SUGCT: variants seen among roughly 807,000 people sequenced by gnomAD.
The protein encoded by SUGCT is succinyl-CoA:glutarate CoA-transferase.
Under a neutral mutation model 55.0 loss-of-function variants are expected in SUGCT, and 41 were observed. That is an observed-to-expected ratio of 0.74 (90% CI 0.58 to 0.97). The LOEUF is 0.97. Among genes scored for constraint, SUGCT ranks in the 50% least tolerant of loss-of-function variants. The probability of loss-of-function intolerance (pLI) is 0.00; values close to 1 mark genes in which losing one functional copy is unlikely to be tolerated. For synonymous variants in SUGCT, 187 were observed against 200.4 expected, an observed-to-expected ratio of 0.93 and a Z score of 0.56; for missense variants, 568 against 547.8, an observed-to-expected ratio of 1.04 and a Z score of -0.37.
the SUGCT span, among the ~76,000 whole-genome samples, chr7:40,961,758 C>T: frequency 0.056 from 8,580 of 152,064 alleles, 255 homozygotes; most frequent in Middle Eastern, 0.079. Context: ...TTCGTGGTCT[C>T]GCTGACTTCA....
In SUGCT at chr7:40,181,079, G is replaced by A. The variant is rs963633656; in HGVS notation, c.152+81G>A. 7.0e-6 allele frequency: 7 copies of A among 994,462 alleles called. No individual in the cohort carries two copies. The East Asian group carries it at 7.2e-5, about 10-fold the overall frequency. 61.6% of individuals were successfully genotyped at this position (994,462 alleles called of 1,614,324 possible). A position where few individuals can be genotyped will look rare whatever the true frequency, so the allele number is the denominator to read the frequency against. On this transcript the variant is annotated intron_variant, in intron 2 of 13. Transcript: ENST00000335693. ...CTTTTAATTTTTTGAATTATAAGAAGAGACTTATATGCTTATGTTGAAATT... is the reference window on the plus strand; with the variant it reads ...CTTTTAATTTTTTGAATTATAAGAAAAGACTTATATGCTTATGTTGAAATT...
At chr7:41,010,838 A>G in the SUGCT span, among the ~76,000 whole-genome samples, 1 of 152,244 alleles carries the variant, frequency 6.6e-6, no homozygotes, top group Non-Finnish European at 1.5e-5. Context: ...TAGCATTAGG[A>G]AATCATGGGA....
intron 2 of SUGCT, 44 bp from the exon 3 acceptor site, chr7:40,181,911 T>G (rs768595520): frequency 5.8e-6 from 7 of 1,204,910 alleles, no homozygotes; most frequent in Non-Finnish European, 8.3e-6. Flanking sequence ...ATATAAACAT[T>G]TTCAAGATGG....
chr7:40,439,060 T>C (rs1788331188), intron 9 of SUGCT, among the ~76,000 whole-genome samples: 1 of 29,036 alleles, frequency 3.4e-5, no homozygotes, highest in Non-Finnish European at 6.2e-5. Context: ...GGTATATATA[T>C]GGTGTATATA....
chr7:40,135,769 GCTT>G (rs1345763067), intron 1 of SUGCT, among the ~76,000 whole-genome samples: 1 of 151,792 alleles, frequency 6.6e-6, no homozygotes, highest in Non-Finnish European at 1.5e-5. Context: ...AGATTTTCCT[GCTT>G]CAGCCTTCCG....
intron 6 of SUGCT, among the ~76,000 whole-genome samples, chr7:40,222,986 TTTCCTTCC>T (rs200277908): frequency 0.1 from 9,326 of 93,674 alleles, 311 homozygotes; most frequent in African/African-American, 0.15. Context: ...TTTTCATTTC[TTTCCTTCC>T]TTCCTTCCTT....
At chr7:40,553,345 T>C (rs1795399125) in intron 12 of SUGCT, among the ~76,000 whole-genome samples, 1 of 152,174 alleles carries the variant, frequency 6.6e-6, no homozygotes, top group Non-Finnish European at 1.5e-5. Flanking sequence ...GTTAGGAAAA[T>C]GTATATGATC....
chr7:40,334,537 G>C (rs1403754696), intron 9 of SUGCT, among the ~76,000 whole-genome samples: 1 of 152,182 alleles, frequency 6.6e-6, no homozygotes, highest in South Asian at 2.1e-4. Context: ...TCTATTGGCT[G>C]CATAAATGTC....
At chr7:40,364,611 A>C (rs1286216836) in intron 9 of SUGCT, among the ~76,000 whole-genome samples, 1 of 152,126 alleles carries the variant, frequency 6.6e-6, no homozygotes, top group Non-Finnish European at 1.5e-5. Flanking sequence ...TGGGTTGAAA[A>C]TTCTTTTCTT....
At chr7:40,411,257 G>A (rs1382194032) in intron 9 of SUGCT, among the ~76,000 whole-genome samples, 1 of 152,156 alleles carries the variant, frequency 6.6e-6, no homozygotes, top group Admixed American at 6.5e-5. Flanking sequence ...GTTGATCATG[G>A]TGGCACATAC....
chr7:40,290,564 C>T (rs1562650694), intron 8 of SUGCT, among the ~76,000 whole-genome samples: 1 of 152,114 alleles, frequency 6.6e-6, no homozygotes, highest in Non-Finnish European at 1.5e-5. Flanking sequence ...AGAAGAAAAC[C>T]TAGGCAGTAC....
At chr7:40,788,173 C>T (rs532014699) in intron 13 of SUGCT, among the ~76,000 whole-genome samples, 84 of 152,240 alleles carry the variant, frequency 5.5e-4, no homozygotes, top group Admixed American at 1.3e-3. Flanking sequence ...AGCAGGGTAT[C>T]GTGGAGACCA....
chr7:40,255,707 GT>G (rs1426649691), intron 7 of SUGCT, among the ~76,000 whole-genome samples: 2 of 137,214 alleles, frequency 1.5e-5, no homozygotes, highest in East Asian at 2.2e-4. Flanking sequence ...TGTCTGCATT[GT>G]TTGTTTATGA....
At position 40,855,757 on chromosome 7, in the gene SUGCT, C is replaced by T. The variant is rs112829660; in HGVS notation, c.1154-4559C>T. ...AAGGTAGTTTCACTGACAGTCTTTA[C>T]GACATGGATTCAGAGCCATAGACAG... On this transcript the variant is annotated intron_variant, in intron 13 of 13. Coordinates refer to ENST00000335693, the MANE Select transcript of SUGCT (RefSeq NM_001193313.2). 3.7e-3 allele frequency among the ~76,000 whole-genome samples: 565 copies of T among 152,228 alleles called. 1 individual carries two copies. Among genetic ancestry groups the T allele is most frequent in the African/African-American group, 0.013 (527 of 41,532 alleles).
chr7:40,222,650 T>C (rs1327430214), intron 6 of SUGCT, among the ~76,000 whole-genome samples: 1 of 152,190 alleles, frequency 6.6e-6, no homozygotes, highest in Non-Finnish European at 1.5e-5. Context: ...AAGACCAGCC[T>C]GGCTAACATG....
intron 1 of SUGCT, among the ~76,000 whole-genome samples, chr7:40,148,430 AG>A (rs1233241018): frequency 3.3e-5 from 5 of 152,106 alleles, no homozygotes; most frequent in Admixed American, 1.3e-4. Flanking sequence ...GGATCACCTG[AG>A]GTCGAGAGTT....
intron 12 of SUGCT, among the ~76,000 whole-genome samples, chr7:40,555,313 T>C (rs75975443): frequency 6.6e-6 from 1 of 151,970 alleles, no homozygotes; most frequent in South Asian, 2.1e-4. Context: ...TTTTTTTTTT[T>C]TCTCACTGAT....
chr7:40,327,391 C>T (rs903948274), intron 9 of SUGCT, among the ~76,000 whole-genome samples: 5 of 152,192 alleles, frequency 3.3e-5, no homozygotes, highest in African/African-American at 9.7e-5. Flanking sequence ...TAATAGCTGC[C>T]ACCCTCTGGG....
At chr7:40,971,499 A>G in the SUGCT span, among the ~76,000 whole-genome samples, 1 of 152,206 alleles carries the variant, frequency 6.6e-6, no homozygotes, top group African/African-American at 2.4e-5. Context: ...ACTGGAAGGG[A>G]TAAGCAGAAG....
Sources: gnomAD v4.1 joint callset for allele counts (sites outside exome capture counted in the v4.1 genomes callset) on GRCh38, gnomAD v4.1.1 for gene constraint, MANE v1.5 for transcripts, NCBI Gene and HGNC (gene_info 2026-07-23, HGNC 2026-07-21) for gene names.